CCDC178: variants seen among roughly 807,000 people sequenced by gnomAD.
The protein encoded by CCDC178 is coiled-coil domain containing 178, also known as coiled-coil domain-containing protein 178.
CCDC178 carries 126 observed loss-of-function variants against 117.4 expected under a neutral mutation model. The ratio of observed to expected loss-of-function variants is 1.07; its 90% CI spans 0.93 to 1.24. CCDC178 has a LOEUF of 1.24. CCDC178 is among the 50% of genes most tolerant of loss of function. The probability of loss-of-function intolerance (pLI) is 0.00; values close to 1 mark genes in which losing one functional copy is unlikely to be tolerated. For synonymous variants in CCDC178, 283 were observed against 313.4 expected, an observed-to-expected ratio of 0.90 and a Z score of 1.02; for missense variants, 1,030 against 986.9, an observed-to-expected ratio of 1.04 and a Z score of -0.59.
chr18:33,287,934 T>C (rs905460889), intron 12 of CCDC178, among the ~76,000 whole-genome samples: 11 of 152,246 alleles, frequency 7.2e-5, no homozygotes, highest in Non-Finnish European at 1.3e-4. Flanking sequence ...ATTTTATTCA[T>C]GCTGACATTT....
intron 5 of CCDC178, among the ~76,000 whole-genome samples, chr18:33,378,001 T>A (rs1335512760): frequency 6.6e-6 from 1 of 152,220 alleles, no homozygotes; most frequent in African/African-American, 2.4e-5. Context: ...GGTAACTTTA[T>A]AGAAATAGCG....
chr18:33,323,525 T>C lies in CCDC178; in HGVS notation c.988A>G (p.Ile330Val). 6.4e-7 allele frequency: 1 copy of C among 1,557,418 alleles called. No individual in the cohort carries two copies. The highest frequency in any genetic ancestry group is 1.3e-5 in the South Asian group (1 of 79,956). Residue 330 changes from isoleucine to valine, a missense_variant, in exon 11 of 23, where the codon ATT (isoleucine) becomes GTT (valine). Transcript: ENST00000383096. Reference protein sequence around the residue: ...QQIKEEIDKDIYQDEKTIEAY... With the variant: ...QQIKEEIDKDVYQDEKTIEAY... Reference sequence around the variant, plus strand: ...TCTATGGTTTTTTCATCCTGGTAAATATCCTTATCAATCTCTTCTTTAATT... The same window carrying C: ...TCTATGGTTTTTTCATCCTGGTAAACATCCTTATCAATCTCTTCTTTAATT...
chr18:33,421,805 GAATA>G (rs1464878526), intron 2 of CCDC178, among the ~76,000 whole-genome samples: 2 of 152,102 alleles, frequency 1.3e-5, no homozygotes, highest in African/African-American at 2.4e-5. Context: ...ATATGAGAAT[GAATA>G]GAGTCATAAA....
chr18:33,285,533 G>A (rs1403375976), intron 12 of CCDC178, among the ~76,000 whole-genome samples: 7 of 151,950 alleles, frequency 4.6e-5, no homozygotes, highest in East Asian at 3.9e-4. Flanking sequence ...TAAGAACACC[G>A]GAATACAGAC....
intron 2 of CCDC178, among the ~76,000 whole-genome samples, chr18:33,436,688 T>C (rs1255087145): frequency 6.6e-6 from 1 of 152,232 alleles, no homozygotes; most frequent in Non-Finnish European, 1.5e-5. Flanking sequence ...CAGCACTGTT[T>C]AGTAATAATA....
chr18:33,376,030 G>A lies in CCDC178; in HGVS notation c.209-5841C>T, dbSNP rs533232043. ...GATAACGGCCAAGCGGGTGACTTGA[G>A]AAACCAAGTGCGCAGCTTGACTTAT... is the stretch of plus-strand genomic sequence containing the variant. On this transcript the variant is annotated intron_variant, in intron 5 of 22. Coordinates refer to ENST00000383096, the MANE Select transcript of CCDC178 (RefSeq NM_001105528.4). Among the ~76,000 whole-genome samples, 106 of 152,300 alleles carry A rather than the reference G, an allele frequency of 7.0e-4. 1 individual carries two copies. Among genetic ancestry groups the A allele is most frequent in the African/African-American group, 2.5e-3 (104 of 41,580 alleles).
chr18:33,351,232 G>A lies in CCDC178; in HGVS notation c.372-2257C>T, dbSNP rs1360252671. On this transcript the variant is annotated intron_variant, in intron 7 of 22. Transcript: ENST00000383096. ...TTTTTTGAGACAAAGTCTCACTGTC[G>A]CCCAGGTTGGAGTGCAGTGGAGCGA... is the stretch of plus-strand genomic sequence containing the variant. 4.0e-5 allele frequency among the ~76,000 whole-genome samples: 6 copies of A among 150,182 alleles called. No homozygotes were observed. In the East Asian group the frequency reaches 7.9e-4, roughly 20 times the overall value.
At chr18:33,415,566 G>A (rs1568212487) in intron 2 of CCDC178, among the ~76,000 whole-genome samples, 1 of 151,744 alleles carries the variant, frequency 6.6e-6, no homozygotes, top group Non-Finnish European at 1.5e-5. Context: ...TGGGGGGATG[G>A]GGGATAGCAT....
intron 2 of CCDC178, chr18:33,437,698 A>T (rs142670295): frequency 6.6e-6 from 1 of 152,358 alleles, no homozygotes; most frequent in African/African-American, 2.4e-5. Context: ...TGTAGAATTC[A>T]GTTCCTCATG....
intron 20 of CCDC178, among the ~76,000 whole-genome samples, chr18:33,184,890 C>G (rs1220931574): frequency 2.6e-5 from 4 of 152,050 alleles, no homozygotes; most frequent in Non-Finnish European, 4.4e-5. Flanking sequence ...AACCTGCTCA[C>G]AGTTACTTAT....
chr18:32,994,609 T>C (rs1484725188), intron 21 of CCDC178, among the ~76,000 whole-genome samples: 1 of 152,194 alleles, frequency 6.6e-6, no homozygotes, highest in Non-Finnish European at 1.5e-5. Context: ...TTATACAAAA[T>C]TGAACAGAAA....
chr18:33,369,421 G>A (rs150758715), intron 6 of CCDC178, among the ~76,000 whole-genome samples: 15 of 151,894 alleles, frequency 9.9e-5, no homozygotes, highest in African/African-American at 2.2e-4. Flanking sequence ...AATAGCACAG[G>A]TCTCTGGAAA....
intron 11 of CCDC178, among the ~76,000 whole-genome samples, chr18:33,303,032 C>G (rs910788218): frequency 1.1e-4 from 16 of 152,090 alleles, no homozygotes; most frequent in Non-Finnish European, 1.9e-4. Context: ...ACATGAGAAA[C>G]AGTAAATGTT....
rs376317670 is a variant in CCDC178 at position 33,282,204 on chromosome 18, C to T, written c.1176+10955G>A. Among the ~76,000 whole-genome samples, 191 of 152,258 alleles carry T rather than the reference C, an allele frequency of 1.3e-3. 7 individuals are homozygous for T. The South Asian group carries it at 0.037, about 29-fold the overall frequency. On this transcript the variant is annotated intron_variant, in intron 12 of 22. Transcript: ENST00000383096. ...GCTCTTGCCACGGGCCTCTGAAACC[C>T]GGCAGGAAGGGACCCCTTGACCACC...
chr18:33,094,297 T>G (rs1036989986), intron 20 of CCDC178, among the ~76,000 whole-genome samples: 4 of 152,034 alleles, frequency 2.6e-5, no homozygotes, highest in Non-Finnish European at 5.9e-5. Context: ...ATTGAATTAT[T>G]TTTTGTTACG....
At chr18:33,087,523 GTA>G (rs1292121154) in intron 21 of CCDC178, among the ~76,000 whole-genome samples, 4 of 149,538 alleles carry the variant, frequency 2.7e-5, no homozygotes, top group East Asian at 1.9e-4. Context: ...GTGTGTGTGT[GTA>G]TGTGTGTGTG....
At chr18:33,342,680 T>C (rs1175567629) in intron 9 of CCDC178, among the ~76,000 whole-genome samples, 2 of 152,142 alleles carry the variant, frequency 1.3e-5, no homozygotes, top group Non-Finnish European at 2.9e-5. Context: ...GAACCCAACA[T>C]ACAGCCTTGA....
intron 11 of CCDC178, among the ~76,000 whole-genome samples, chr18:33,316,084 G>T (rs910564864): frequency 2.6e-5 from 4 of 152,076 alleles, no homozygotes; most frequent in South Asian, 2.1e-4. Context: ...GGCAGCCCTC[G>T]CTTGCTCTCA....
chr18:33,174,470 T>A (rs2144440880), intron 20 of CCDC178, among the ~76,000 whole-genome samples: 1 of 152,312 alleles, frequency 6.6e-6, no homozygotes, highest in East Asian at 1.9e-4. Flanking sequence ...TATATTTATA[T>A]TATTTATAGA....
Sources: gnomAD v4.1 joint callset for allele counts (sites outside exome capture counted in the v4.1 genomes callset) on GRCh38, gnomAD v4.1.1 for gene constraint, MANE v1.5 for transcripts, NCBI Gene and HGNC (gene_info 2026-07-23, HGNC 2026-07-21) for gene names.